TNNI3K: variants seen among roughly 807,000 people sequenced by gnomAD.
TNNI3K encodes TNNI3 interacting kinase.
TNNI3K carries 140 observed loss-of-function variants against 114.5 expected under a neutral mutation model. The ratio of observed to expected loss-of-function variants is 1.22; its 90% CI spans 1.07 to 1.41. The LOEUF (loss-of-function observed/expected upper bound fraction) is 1.41, where lower values mean the gene tolerates loss of function less well. Among genes scored for constraint, TNNI3K ranks in the 40% most tolerant of loss-of-function variants. The pLI is 0.00. For missense variants in TNNI3K, 1,125 were observed against 1,007.6 expected, an observed-to-expected ratio of 1.12 and a Z score of -1.58; for synonymous variants, 347 against 347.5, an observed-to-expected ratio of 1.00 and a Z score of 0.02.
intron 5 of TNNI3K, among the ~76,000 whole-genome samples, chr1:74,294,347 A>G (rs184168453): frequency 6.6e-6 from 1 of 152,084 alleles, no homozygotes; most frequent in East Asian, 1.9e-4. Flanking sequence ...AAATTTATCT[A>G]GGATATGGGT....
intron 23 of TNNI3K, among the ~76,000 whole-genome samples, chr1:74,529,365 G>A (rs940222582): frequency 6.6e-6 from 1 of 152,098 alleles, no homozygotes; most frequent in African/African-American, 2.4e-5. Context: ...GGAAACCTCT[G>A]ATAAAACCAA....
In TNNI3K at chr1:74,367,322, A is replaced by G. The variant is rs996436057; in HGVS notation, c.1244A>G (p.Glu415Gly). ...CCACAAGATGAATTGCCCTGTAATG[A>G]ATATTCTCAGCCTGGAGGAGGTACC... Reference protein sequence around the residue: ...KRPQDELPCNEYSQPGGDGSY... With the variant: ...KRPQDELPCNGYSQPGGDGSY... Residue 415 changes from glutamate (E) to glycine (G), a missense_variant, in exon 12 of 25, where the codon GAA becomes GGA. Physicochemically the swap from Glu to Gly is moderately conservative, Grantham distance 98 (BLOSUM62 -2). Coordinates refer to ENST00000326637, the MANE Select transcript of TNNI3K (RefSeq NM_015978.3). 14 of 1,612,164 alleles carry G rather than the reference A, an allele frequency of 8.7e-6. No homozygotes were observed. Among genetic ancestry groups the G allele is most frequent in the Non-Finnish European group, 1.2e-5 (14 of 1,178,712 alleles).
Position 74,403,275 on chromosome 1 carries a change from G to C in TNNI3K, c.1773-32805G>C, listed in dbSNP as rs1459449053. ...GAACCTTCAAAAAATATTTTATACA[G>C]TTCCTCTCAGAAGTAGTTTTCATCT... On this transcript the variant is annotated intron_variant, in intron 17 of 24. Coordinates refer to ENST00000326637, the MANE Select transcript of TNNI3K (RefSeq NM_015978.3). Among the ~76,000 whole-genome samples the C allele has an allele frequency of 3.9e-5, 6 of 152,174 alleles. No individual in the cohort carries two copies. The East Asian group carries it at 1.2e-3, about 29-fold the overall frequency.
chr1:74,303,802 T>C (rs1658466754), intron 5 of TNNI3K, among the ~76,000 whole-genome samples: 1 of 152,102 alleles, frequency 6.6e-6, no homozygotes, highest in African/African-American at 2.4e-5. Flanking sequence ...GCCAGTAAGA[T>C]CATTTGCCAT....
intron 17 of TNNI3K, among the ~76,000 whole-genome samples, chr1:74,429,940 G>T (rs1411988314): frequency 6.6e-6 from 1 of 152,084 alleles, no homozygotes; most frequent in Non-Finnish European, 1.5e-5. Context: ...ACTTCTGGGG[G>T]CTGTCATCTC....
At chr1:74,332,723 AAGCCTATAT>A (rs539320033) in intron 6 of TNNI3K, among the ~76,000 whole-genome samples, 143 of 152,178 alleles carry the variant, frequency 9.4e-4, no homozygotes, top group African/African-American at 3.3e-3. Flanking sequence ...TCTGATCCCA[AAGCCTATAT>A]TGTTTTGCTG....
chr1:74,507,588 C>T (rs1557615040), intron 23 of TNNI3K, among the ~76,000 whole-genome samples: 1 of 152,132 alleles, frequency 6.6e-6, no homozygotes, highest in Admixed American at 6.5e-5. Context: ...TCAATCAATA[C>T]AAATCTTTCT....
chr1:74,390,965 GA>G (rs10672464), intron 17 of TNNI3K, among the ~76,000 whole-genome samples: 1 of 131,714 alleles, frequency 7.6e-6, no homozygotes, highest in African/African-American at 2.9e-5. Flanking sequence ...ATTTTTTTCC[GA>G]AAAAAAAAAA....
chr1:74,438,757 T>C (rs1666245240), intron 19 of TNNI3K, among the ~76,000 whole-genome samples: 2 of 152,084 alleles, frequency 1.3e-5, no homozygotes, highest in Admixed American at 1.3e-4. Context: ...AAATTACAAA[T>C]GAAAAGAATG....
chr1:74,262,485 G>A (rs1230695663), intron 4 of TNNI3K, among the ~76,000 whole-genome samples: 4 of 151,052 alleles, frequency 2.6e-5, no homozygotes, highest in Admixed American at 6.6e-5. Context: ...CCTGATTAAA[G>A]ACTGCATTTT....
intron 24 of TNNI3K, 42 bp downstream of exon 24, chr1:74,540,355 C>A: frequency 1.3e-6 from 2 of 1,579,412 alleles, no homozygotes; most frequent in South Asian, 1.2e-5. Flanking sequence ...AAAACTACCC[C>A]TAGGAAGGTG....
intron 17 of TNNI3K, chr1:74,378,607 T>C (rs1159788107): frequency 1.6e-5 from 1 of 62,912 alleles, no homozygotes; most frequent in Non-Finnish European, 3.2e-5. Context: ...TATATATATA[T>C]ATATATATAT....
At chr1:74,368,120 A>ACC (rs1186457552) in intron 13 of TNNI3K, among the ~76,000 whole-genome samples, 156 bp downstream of exon 13, 2 of 151,874 alleles carry the variant, frequency 1.3e-5, no homozygotes, top group Non-Finnish European at 1.5e-5. Flanking sequence ...AATTAACCTT[A>ACC]CCCTTTATCT....
At chr1:74,403,217 C>T (rs1447428490) in intron 17 of TNNI3K, among the ~76,000 whole-genome samples, 2 of 152,042 alleles carry the variant, frequency 1.3e-5, no homozygotes, top group African/African-American at 4.8e-5. Context: ...TGGATCATAG[C>T]CCCTTAATTC....
At chr1:74,384,688 A>G (rs996454620) in intron 17 of TNNI3K, among the ~76,000 whole-genome samples, 1 of 152,192 alleles carries the variant, frequency 6.6e-6, no homozygotes, top group Non-Finnish European at 1.5e-5. Flanking sequence ...AATTATTTAA[A>G]TATTCCTCTG....
Position 74,236,131 on chromosome 1 carries a change from T to C in TNNI3K, c.70T>C (p.Tyr24His). The C allele has an allele frequency of 6.2e-7, 1 of 1,607,906 alleles. No individual in the cohort carries two copies. The highest frequency in any genetic ancestry group is 1.1e-5 in the South Asian group (1 of 90,668). ...ATGGAAGAAAAAAGTCAGTGAATCA[T>C]ATGTTATCACAATAGAAAGATTAGA... ...DEWKKKVSES[Y>H]VITIERLEDD... is the part of the protein sequence containing the mutation. The change falls in exon 2 of 25, where the codon TAT becomes CAT. Residue 24 changes from tyrosine (Y) to histidine (H), a missense_variant. Tyr to His is a moderately conservative substitution (Grantham distance 83). Transcript: ENST00000326637.
chr1:74,519,110 C>A (rs1646395345), intron 23 of TNNI3K, among the ~76,000 whole-genome samples: 1 of 94,158 alleles, frequency 1.1e-5, no homozygotes, highest in Admixed American at 1.1e-4. Flanking sequence ...TCAATTCCCA[C>A]CTATGAGTGA....
intron 11 of TNNI3K, 101 bp downstream of exon 11, chr1:74,354,230 T>C (rs1661541214): frequency 4.6e-6 from 7 of 1,528,484 alleles, no homozygotes; most frequent in Non-Finnish European, 6.2e-6. Context: ...ACTTGAACAC[T>C]CTCATTTCTT....
intron 9 of TNNI3K, among the ~76,000 whole-genome samples, chr1:74,348,905 A>G (rs1025511535): frequency 2.6e-5 from 4 of 152,210 alleles, no homozygotes; most frequent in Admixed American, 2.0e-4. Flanking sequence ...GGCTGAGACT[A>G]TGGCGTTTTC....
Sources: allele counts gnomAD v4.1 joint callset (sites outside exome capture counted in the v4.1 genomes callset), GRCh38; gene constraint gnomAD v4.1.1; transcripts MANE v1.5; gene names NCBI Gene and HGNC (gene_info 2026-07-23, HGNC 2026-07-21).